Variants in LRRN1 observed in about 807,000 individuals in gnomAD.
LRRN1 encodes the protein leucine rich repeat neuronal 1.
A neutral mutation model predicts 45.8 loss-of-function variants in LRRN1; 14 were observed. The ratio of observed to expected loss-of-function variants is 0.31; its 90% CI spans 0.20 to 0.48. The LOEUF (loss-of-function observed/expected upper bound fraction) is 0.48, where lower values mean the gene tolerates loss of function less well. Among genes scored for constraint, LRRN1 ranks in the 20% least tolerant of loss-of-function variants. The pLI is 0.99. For missense variants in LRRN1, 789 were observed against 874.2 expected (o/e 0.90, Z 1.23); for synonymous variants, 359 against 330.1 (o/e 1.09, Z -0.95).
At chr3:3,828,460 C>T (rs1693279844) in intron 1 of LRRN1, among the ~76,000 whole-genome samples, 1 of 151,888 alleles carries the variant, frequency 6.6e-6, no homozygotes, top group Admixed American at 6.6e-5. Flanking sequence ...TTCCCACTGA[C>T]TCAAATGGTA....
At chr3:3,813,512 T>A (rs1692925593) in intron 1 of LRRN1, among the ~76,000 whole-genome samples, 1 of 152,176 alleles carries the variant, frequency 6.6e-6, no homozygotes, top group African/African-American at 2.4e-5. Context: ...ACATGCTTTA[T>A]GGCAGTAAAT....
intron 1 of LRRN1, 123 bp from the exon 2 acceptor site, chr3:3,844,241 G>A (rs562113362): frequency 8.2e-5 from 13 of 158,014 alleles, no homozygotes; most frequent in African/African-American, 3.1e-4. Flanking sequence ...TATCTTCAAT[G>A]GATTTTGAAT....
In LRRN1 at chr3:3,849,111, T is replaced by C. The variant is rs569737269; in HGVS notation, c.*2319T>C. ...GAACCATGAAAATGGATGGCACTGA[T>C]GCATTAGACCCTCAGCAGCCTGCAA... On this transcript the variant is annotated 3_prime_UTR_variant, in exon 2 of 2. Transcript: ENST00000319331. Among the ~76,000 whole-genome samples, 2 of 152,330 alleles carry C rather than the reference T, an allele frequency of 1.3e-5. No individual in the cohort carries two copies. The highest frequency in any genetic ancestry group is 2.4e-5 in the African/African-American group (1 of 41,576).
chr3:3,806,116 G>A (rs572592996), intron 1 of LRRN1, among the ~76,000 whole-genome samples: 2 of 152,088 alleles, frequency 1.3e-5, no homozygotes, highest in South Asian at 2.1e-4. Flanking sequence ...GTGTTATACC[G>A]GCATCTAATG....
intron 1 of LRRN1, among the ~76,000 whole-genome samples, chr3:3,821,286 C>T (rs75137943): frequency 9.9e-5 from 15 of 152,284 alleles, no homozygotes; most frequent in African/African-American, 3.4e-4. Context: ...CCACCAGCTA[C>T]GTTTCACTTG....
At chr3:3,832,440 A>C (rs776491168) in intron 1 of LRRN1, among the ~76,000 whole-genome samples, 4 of 152,176 alleles carry the variant, frequency 2.6e-5, no homozygotes, top group Non-Finnish European at 5.9e-5. Context: ...GACCTGAGCT[A>C]AAACTCCATG....
intron 1 of LRRN1, among the ~76,000 whole-genome samples, chr3:3,835,095 A>G (rs62247428): frequency 0.14 from 22,027 of 152,174 alleles, 1,883 homozygotes; most frequent in East Asian, 0.3. Context: ...AAGTTTAGCT[A>G]TGGAAACTGA....
chr3:3,802,183 T>C (rs746166105), intron 1 of LRRN1, among the ~76,000 whole-genome samples: 18 of 152,360 alleles, frequency 1.2e-4, no homozygotes, highest in South Asian at 1.0e-3. Flanking sequence ...CAGTAGACTC[T>C]GGAGCAAGGG....
chr3:3,848,231 A>G lies in LRRN1; in HGVS notation c.*1439A>G, dbSNP rs1285711317. Among the ~76,000 whole-genome samples, 2 of 152,200 alleles carry G rather than the reference A, an allele frequency of 1.3e-5. No individual in the cohort carries two copies. Among genetic ancestry groups the G allele is most frequent in the African/African-American group, 4.8e-5 (2 of 41,454 alleles). On this transcript the variant is annotated 3_prime_UTR_variant, in exon 2 of 2. Coordinates refer to ENST00000319331, the MANE Select transcript of LRRN1 (RefSeq NM_020873.7). ...TAATAGAAAACAAAACAACTTCCGT[A>G]CAGTTCAAACTTTTCATCCAAATAT...
At chr3:3,833,785 G>A (rs530751494) in intron 1 of LRRN1, among the ~76,000 whole-genome samples, 1 of 152,156 alleles carries the variant, frequency 6.6e-6, no homozygotes, top group African/African-American at 2.4e-5. Flanking sequence ...TTGGGGAGGG[G>A]ATGTTGCCAC....
chr3:3,833,600 A>T (rs1002979985), intron 1 of LRRN1, among the ~76,000 whole-genome samples: 1 of 152,100 alleles, frequency 6.6e-6, no homozygotes, highest in Non-Finnish European at 1.5e-5. Context: ...CCAGGGGCCC[A>T]TCGGGATTTT....
Position 3,799,869 on chromosome 3 carries a change from T to G in LRRN1, c.-329T>G. On this transcript the variant is annotated 5_prime_UTR_variant, in exon 1 of 2. Coordinates refer to ENST00000319331, the MANE Select transcript of LRRN1 (RefSeq NM_020873.7). ...GCTGCTGCTGCCGCCGCCGCCGCCG[T>G]GGGTGCCGGGTCCGCGCGCACCCCA... 6.1e-6 allele frequency: 1 copy of G among 163,754 alleles called. No individual in the cohort carries two copies. The highest frequency in any genetic ancestry group is 1.3e-5 in the Non-Finnish European group (1 of 76,090). The allele number at this position is 163,754 out of a possible 1,614,324, so 10.1% of individuals were successfully genotyped here. A position where few individuals can be genotyped will look rare whatever the true frequency, so the allele number is the denominator to read the frequency against.
In LRRN1 at chr3:3,844,878, A is replaced by C; in HGVS notation, c.237A>C (p.Leu79Phe). 6.2e-7 allele frequency: 1 copy of C among 1,614,188 alleles called. No homozygotes were observed. The highest frequency in any genetic ancestry group is 1.3e-5 in the African/African-American group (1 of 75,048). ...CTAGTGACACACAAGTGCTTCTCTT[A>C]CAGAGCAATAACATCGCAAAGACTG... Reference protein sequence around the residue: ...NLSSDTQVLLLQSNNIAKTVD... With the variant: ...NLSSDTQVLLFQSNNIAKTVD... Residue 79 changes from leucine to phenylalanine, a missense_variant, in exon 2 of 2, where the codon TTA becomes TTC. By Grantham distance (22) the Leu-to-Phe change is conservative. Coordinates refer to ENST00000319331, the MANE Select transcript of LRRN1 (RefSeq NM_020873.7).
At chr3:3,807,822 C>T (rs1372563) in intron 1 of LRRN1, among the ~76,000 whole-genome samples, 91,537 of 151,976 alleles carry the variant, frequency 0.6, 29,768 homozygotes, top group Non-Finnish European at 0.74. Flanking sequence ...GTTGTTATTC[C>T]AGCTGACTGT....
At chr3:3,805,782 C>T (rs937913223) in intron 1 of LRRN1, among the ~76,000 whole-genome samples, 1 of 152,126 alleles carries the variant, frequency 6.6e-6, no homozygotes, top group Non-Finnish European at 1.5e-5. Flanking sequence ...AAAAATTTTA[C>T]CAGGGGTACA....
chr3:3,814,971 CTT>C lies in LRRN1; in HGVS notation c.-279+15055_-279+15056del, dbSNP rs369686341. 1.7e-3 allele frequency among the ~76,000 whole-genome samples: 260 copies of C among 152,194 alleles called. 6 individuals carry two copies. The East Asian group carries it at 0.036, about 21-fold the overall frequency. On this transcript the variant is annotated intron_variant, in intron 1 of 1. Coordinates refer to ENST00000319331, the MANE Select transcript of LRRN1 (RefSeq NM_020873.7). Reference sequence around the variant, plus strand: ...TCTTAAAAATGGTCCCTTTTTAAAACTTTTCTGTATTCATTCCCTTTTTAATG... The same window carrying C: ...TCTTAAAAATGGTCCCTTTTTAAAACTTCTGTATTCATTCCCTTTTTAATG...
intron 1 of LRRN1, among the ~76,000 whole-genome samples, chr3:3,814,185 A>G (rs2106454620): frequency 6.9e-6 from 1 of 144,376 alleles, no homozygotes; most frequent in South Asian, 2.4e-4. Context: ...GTTTCTCCCT[A>G]TCTAGTGTGC....
intron 1 of LRRN1, among the ~76,000 whole-genome samples, chr3:3,817,635 A>C (rs556570147): frequency 1.3e-5 from 2 of 152,266 alleles, no homozygotes; most frequent in South Asian, 4.1e-4. Flanking sequence ...CAGGCTCTTT[A>C]GAGAAATATC....
chr3:3,816,852 G>A lies in LRRN1; in HGVS notation c.-279+16933G>A, dbSNP rs1174082436. Among the ~76,000 whole-genome samples the A allele has an allele frequency of 6.6e-6, 1 of 152,146 alleles. No homozygotes were observed. The highest frequency in any genetic ancestry group is 1.5e-5 in the Non-Finnish European group (1 of 68,030). On this transcript the variant is annotated intron_variant, in intron 1 of 1. Transcript: ENST00000319331. The surrounding 1 kb of genome is among the most constrained non-coding windows in gnomAD (Gnocchi z 4.0). ...GTATCACAGAAAGGCCCTGTGCAAC[G>A]AACTTGACTTTAACTTCAGCTGGTT...
Sources: gnomAD v4.1 joint callset for allele counts (sites outside exome capture counted in the v4.1 genomes callset) on GRCh38, gnomAD v4.1.1 for gene constraint, Gnocchi (gnomAD v3.1) non-coding constraint, MANE v1.5 for transcripts, NCBI Gene and HGNC (gene_info 2026-07-23, HGNC 2026-07-21) for gene names.